Variants in FXR2 observed in about 807,000 individuals in gnomAD.
FXR2 encodes the protein FMR1 autosomal homolog 2.
Under a neutral mutation model 87.3 loss-of-function variants are expected in FXR2, and 9 were observed. The ratio of observed to expected loss-of-function variants is 0.10; its 90% CI spans 0.06 to 0.18. FXR2 has a LOEUF of 0.18. FXR2 is among the 10% of genes least tolerant of loss of function. The pLI, the probability that FXR2 is intolerant of heterozygous loss-of-function variation, is 1.00. For missense variants in FXR2, 661 were observed against 893.6 expected, an observed-to-expected ratio of 0.74 and a Z score of 3.32; for synonymous variants, 331 against 328.3, an observed-to-expected ratio of 1.01 and a Z score of -0.09.
chr17:7,600,873 G>C (rs995548754), intron 7 of FXR2, among the ~76,000 whole-genome samples: 1 of 150,626 alleles, frequency 6.6e-6, no homozygotes, highest in Non-Finnish European at 1.5e-5. Flanking sequence ...GACAAAGTGA[G>C]ACTCCGTCTC....
chr17:7,597,501 T>G (rs1373902339), intron 7 of FXR2, among the ~76,000 whole-genome samples: 1 of 152,068 alleles, frequency 6.6e-6, no homozygotes, highest in Non-Finnish European at 1.5e-5. Context: ...TTTTTCTTTT[T>G]TTTGAGATGG....
intron 1 of FXR2, 128 bp from the exon 2 acceptor site, chr17:7,606,277 G>C (rs1597878938): frequency 3.1e-6 from 2 of 641,368 alleles, no homozygotes; most frequent in African/African-American, 1.8e-5. Context: ...GTGGTGTAAT[G>C]AGACAGCCTG....
At chr17:7,596,125 C>T (rs956471038) in intron 7 of FXR2, 131 bp from the exon 8 acceptor site, 26 of 714,882 alleles carry the variant, frequency 3.6e-5, no homozygotes, top group South Asian at 1.1e-4. Context: ...CTGGAGTCCG[C>T]GGACCACGAG....
chr17:7,598,412 G>A (rs1373790233), intron 7 of FXR2, among the ~76,000 whole-genome samples: 1 of 152,156 alleles, frequency 6.6e-6, no homozygotes, highest in African/African-American at 2.4e-5. Context: ...CCGAGATCAC[G>A]CCAATGCACT....
chr17:7,592,576 G>A lies in FXR2; in HGVS notation c.1753C>T (p.Arg585Cys), dbSNP rs1465903923. The A allele has an allele frequency of 1.2e-6, 2 of 1,613,544 alleles. No homozygotes were observed. The highest frequency in any genetic ancestry group is 2.7e-5 in the African/African-American group (2 of 74,792). ...GLEDESRPQR[R>C]NRSRRRRNRG... ...TTACGGCGGCGGCGGCTGCGATTAC[G>A]ACGTTGAGGTCTTGATTCATCTTCT... The change falls in exon 15 of 17, where the codon CGT (arginine) becomes TGT (cysteine). Residue 585 changes from arginine to cysteine, a missense_variant. Arg to Cys is a radical substitution (Grantham distance 180, BLOSUM62 -3). This residue lies in a region of FXR2 where 409 missense variants were observed against 432.0 expected (regional missense o/e 0.95). Coordinates refer to ENST00000250113, the MANE Select transcript of FXR2 (RefSeq NM_004860.4). The surrounding 1 kb of genome is among the most constrained non-coding windows in gnomAD (Gnocchi z 4.8).
At chr17:7,603,138 G>A in intron 5 of FXR2, 136 bp from the exon 6 acceptor site, 2 of 555,224 alleles carry the variant, frequency 3.6e-6, no homozygotes, top group Non-Finnish European at 6.4e-6. Flanking sequence ...CTTGAAGTCA[G>A]GAGTTCAAGA....
intron 1 of FXR2, chr17:7,614,153 T>G (rs1242285497): frequency 6.4e-6 from 4 of 620,846 alleles, no homozygotes; most frequent in East Asian, 3.3e-5. Context: ...AATTAGAAGC[T>G]GGGTAAAGGG....
At chr17:7,605,246 T>C (rs1346816372) in intron 3 of FXR2, among the ~76,000 whole-genome samples, 1 of 152,030 alleles carries the variant, frequency 6.6e-6, no homozygotes, top group East Asian at 1.9e-4. Context: ...CAGGTGCTTG[T>C]AATCCCAGCT....
Position 7,594,779 on chromosome 17 carries a change from G to A in FXR2, c.832-22C>T. 1 of 1,501,530 alleles carries A rather than the reference G, an allele frequency of 6.7e-7. No individual in the cohort carries two copies. The highest frequency in any genetic ancestry group is 9.3e-7 in the Non-Finnish European group (1 of 1,077,490). The allele number at this position is 1,501,530 out of a possible 1,614,324, so 93.0% of individuals were successfully genotyped here. The stretch of plus-strand genomic sequence containing the variant: ...GAGTCTAAAGGAAGAACAGCAGGGA[G>A]TTGTTACTAAAACAGAAGACCAGCT... On this transcript the variant is annotated intron_variant, in intron 8 of 16. Transcript: ENST00000250113. This position sits in a 1 kb window ranked among gnomAD's most constrained non-coding sequence, Gnocchi z 5.1.
At chr17:7,605,962 G>A (rs2071799971) in intron 2 of FXR2, 135 bp downstream of exon 2, 1 of 681,322 alleles carries the variant, frequency 1.5e-6, no homozygotes, top group Non-Finnish European at 2.6e-6. Flanking sequence ...TTCCTCTCCT[G>A]GGATCCATAT....
chr17:7,596,901 G>C (rs2071712099), intron 7 of FXR2, among the ~76,000 whole-genome samples: 1 of 152,172 alleles, frequency 6.6e-6, no homozygotes, highest in East Asian at 1.9e-4. Flanking sequence ...AGGAGATCAA[G>C]ACCATCCTGC....
chr17:7,606,316 C>T (rs982395367), intron 1 of FXR2, among the ~76,000 whole-genome samples, 167 bp from the exon 2 acceptor site: 4 of 152,052 alleles, frequency 2.6e-5, no homozygotes, highest in African/African-American at 9.7e-5. Context: ...AGAATATGGG[C>T]AGTCAAACAG....
Position 7,592,141 on chromosome 17 carries a change from A to G in FXR2, c.1926+113T>C. 6.5e-7 allele frequency: 1 copy of G among 1,535,702 alleles called. No homozygotes were observed. The highest frequency in any genetic ancestry group is 8.8e-7 in the Non-Finnish European group (1 of 1,140,114). Reference sequence around the variant, plus strand: ...CAAAGTTTACACTGGTCTAAACTCCATCAGACACAGCTGCCTCTGCAATTC... The same window carrying G: ...CAAAGTTTACACTGGTCTAAACTCCGTCAGACACAGCTGCCTCTGCAATTC... On this transcript the variant is annotated intron_variant, in intron 16 of 16. Transcript: ENST00000250113. This position sits in a 1 kb window ranked among gnomAD's most constrained non-coding sequence, Gnocchi z 4.8.
In FXR2 at chr17:7,605,732, C is replaced by A; in HGVS notation, c.141G>T (p.Gln47His). 1 of 1,550,128 alleles carries A rather than the reference C, an allele frequency of 6.5e-7. No homozygotes were observed. The highest frequency in any genetic ancestry group is 1.1e-5 in the South Asian group (1 of 88,308). ...CCCCAAAAGGAATTTGTCTCTCACTCTGCCAGCTATAATAGAAACAATAAT... is the reference window on the plus strand; with the variant it reads ...CCCCAAAAGGAATTTGTCTCTCACTATGCCAGCTATAATAGAAACAATAAT... ...SVTIFFENNW[Q>H]SERQIPFGDV... Residue 47 changes from glutamine to histidine, a missense_variant, in exon 3 of 17, where the codon CAG (glutamine) becomes CAT (histidine). Gln to His is a conservative substitution (Grantham distance 24). This residue lies in a region of FXR2 where 170 missense variants were observed against 247.2 expected (regional missense o/e 0.69). Transcript: ENST00000250113.
rs757508789 is a variant in FXR2, at chr17:7,592,783, C to T, written c.1640G>A (p.Arg547His). ...EPPPASARRR[R>H]SRRRRTDEDR... ...TTCATCAGTGCGGCGGCGGCGGGAG[C>T]GGCGGCGCCTGGCACTTGCTGGGGG... Residue 547 changes from arginine (R) to histidine (H), a missense_variant, in exon 14 of 17, where the codon CGC (arginine) becomes CAC (histidine). Coordinates refer to ENST00000250113, the MANE Select transcript of FXR2 (RefSeq NM_004860.4). The surrounding 1 kb of genome is among the most constrained non-coding windows in gnomAD (Gnocchi z 4.8). 17 of 1,613,612 alleles carry T rather than the reference C, an allele frequency of 1.1e-5. No individual in the cohort carries two copies. The South Asian group carries it at 1.5e-4, about 15-fold the overall frequency.
In FXR2 at chr17:7,594,650, C is replaced by CT. The variant is rs768253300; in HGVS notation, c.910+28dup. 7.2e-7 allele frequency: 1 copy of CT among 1,380,272 alleles called. No individual in the cohort carries two copies. The highest frequency in any genetic ancestry group is 1.2e-5 in the South Asian group (1 of 86,324). The allele number at this position is 1,380,272 out of a possible 1,614,324, so 85.5% of individuals were successfully genotyped here. On this transcript the variant is annotated intron_variant, in intron 9 of 16. Coordinates refer to ENST00000250113, the MANE Select transcript of FXR2 (RefSeq NM_004860.4). This position sits in a 1 kb window ranked among gnomAD's most constrained non-coding sequence, Gnocchi z 5.1. Reference sequence around the variant, plus strand: ...CTGTAGAGAATCTTGATTCTGACCTCTAACTGTATATACACACCACCAACT... The same window carrying CT: ...CTGTAGAGAATCTTGATTCTGACCTCTTAACTGTATATACACACCACCAACT...
chr17:7,608,153 G>A (rs183327738), intron 1 of FXR2, among the ~76,000 whole-genome samples: 10 of 151,224 alleles, frequency 6.6e-5, no homozygotes, highest in Admixed American at 5.3e-4. Context: ...ACAGGGTTTC[G>A]CTATGTTGCC....
rs200097696 is a variant in FXR2 at position 7,604,087 on chromosome 17, A to T, written c.229-7T>A. 1.9e-5 allele frequency: 29 copies of T among 1,556,556 alleles called. No homozygotes were observed. Among genetic ancestry groups the T allele is most frequent in the Non-Finnish European group, 2.4e-5 (28 of 1,149,274 alleles). On this transcript the variant is annotated splice_polypyrimidine_tract_variant and splice_region_variant and intron_variant, in intron 3 of 16. Coordinates refer to ENST00000250113, the MANE Select transcript of FXR2 (RefSeq NM_004860.4). ...CATTGGCTCGAGAATAAACCTAAAG[A>T]AAAGTAGAGAATCAAAGAGATATTG...
chr17:7,613,163 G>T (rs533157412), intron 1 of FXR2, among the ~76,000 whole-genome samples: 1 of 151,906 alleles, frequency 6.6e-6, no homozygotes, highest in East Asian at 1.9e-4. Flanking sequence ...AACTAGAGAG[G>T]ACTACAGTGG....
Sources: allele counts gnomAD v4.1 joint callset (sites outside exome capture counted in the v4.1 genomes callset), GRCh38; gene constraint gnomAD v4.1.1; regional missense constraint gnomAD v4.1.1; non-coding constraint Gnocchi (gnomAD v3.1); transcripts MANE v1.5; gene names NCBI Gene and HGNC (gene_info 2026-07-23, HGNC 2026-07-21).